The following SUZ12 variants were observed in gnomAD, a reference collection of about 807,000 sequenced individuals.
The protein encoded by SUZ12 is polycomb protein SUZ12.
A neutral mutation model predicts 87.3 loss-of-function variants in SUZ12; 17 were observed. That is an observed-to-expected ratio of 0.19 (90% CI 0.13 to 0.29). SUZ12 has a LOEUF of 0.29. Ranked by LOEUF, SUZ12 falls within the 10% of genes least tolerant of loss-of-function variation. The pLI, the probability that SUZ12 is intolerant of heterozygous loss-of-function variation, is 1.00. For synonymous variants in SUZ12, 253 were observed against 312.4 expected, an observed-to-expected ratio of 0.81 and a Z score of 2.01; for missense variants, 526 against 912.2, an observed-to-expected ratio of 0.58 and a Z score of 5.45.
At position 31,966,143 on chromosome 17, in the gene SUZ12, T is replaced by A; in HGVS notation, c.456-4T>A. ...ATAAAATATTTCCTTTTTTTTTTTTTTAGCTTGTCAGCTCATTTGCAGCTT... is the reference window on the plus strand; with the variant it reads ...ATAAAATATTTCCTTTTTTTTTTTTATAGCTTGTCAGCTCATTTGCAGCTT... On this transcript the variant is annotated splice_region_variant and splice_polypyrimidine_tract_variant and intron_variant, in intron 4 of 15. Transcript: ENST00000322652. 1 of 1,591,516 alleles carries A rather than the reference T, an allele frequency of 6.3e-7. No individual in the cohort carries two copies. Among genetic ancestry groups the A allele is most frequent in the South Asian group, 1.2e-5 (1 of 86,950 alleles).
intron 4 of SUZ12, among the ~76,000 whole-genome samples, chr17:31,964,219 G>C (rs1907945097): frequency 6.6e-6 from 1 of 151,652 alleles, no homozygotes; most frequent in African/African-American, 2.4e-5. Flanking sequence ...TAGAGATTGG[G>C]TTTCACCGTG....
At position 31,988,492 on chromosome 17, in the gene SUZ12, C is replaced by G. The variant is rs1321263390; in HGVS notation, c.1196C>G (p.Thr399Ser). 1.3e-6 allele frequency: 2 copies of G among 1,594,556 alleles called. No individual in the cohort carries two copies. Among genetic ancestry groups the G allele is most frequent in the East Asian group, 4.5e-5 (2 of 44,704 alleles). ...CCTGGTTCAGTTAAACCTACTCAAA[C>G]TATTGGTAAGAAAACATTGCAATCA... ...NKPGSVKPTQ[T>S]IAVKESLTTD... The change falls in exon 10 of 16, where the codon ACT becomes AGT. Residue 399 changes from threonine to serine, a missense_variant. Around this residue, in one of 9 missense-constraint regions of SUZ12, gnomAD observed 85 missense variants for 87.4 expected, o/e 0.97. Transcript: ENST00000322652.
intron 5 of SUZ12, among the ~76,000 whole-genome samples, chr17:31,972,725 T>C (rs897549888): frequency 2.0e-5 from 3 of 150,514 alleles, no homozygotes; most frequent in African/African-American, 7.3e-5. Context: ...GTGAATATTT[T>C]TTATACTTAC....
intron 4 of SUZ12, among the ~76,000 whole-genome samples, chr17:31,953,785 C>T (rs1329598279): frequency 6.7e-6 from 1 of 149,252 alleles, no homozygotes; most frequent in Non-Finnish European, 1.5e-5. Context: ...GCGATCTCGG[C>T]TCACTGCAAC....
At chr17:31,949,659 A>C (rs1451020119) in intron 4 of SUZ12, among the ~76,000 whole-genome samples, 148 of 2,020 alleles carry the variant, frequency 0.073, no homozygotes, top group East Asian at 0.091. Flanking sequence ...CACCACACCC[A>C]GCCCCCCCCC....
At chr17:31,941,290 C>G (rs1320377585) in intron 3 of SUZ12, among the ~76,000 whole-genome samples, 1 of 151,422 alleles carries the variant, frequency 6.6e-6, no homozygotes, top group Non-Finnish European at 1.5e-5. Context: ...AAGTCTCACT[C>G]TTGTCCCCCA....
rs752541997 is a variant in SUZ12, at chr17:31,999,024, T to C, written c.*21T>C. Reference sequence around the variant, plus strand: ...TCTGAAAAGCTCTAACCCCATGTTATGGACAAACACTGAAATTACATTTTA... The same window carrying C: ...TCTGAAAAGCTCTAACCCCATGTTACGGACAAACACTGAAATTACATTTTA... On this transcript the variant is annotated 3_prime_UTR_variant, in exon 16 of 16. Transcript: ENST00000322652. The C allele has an allele frequency of 3.3e-6, 5 of 1,495,036 alleles. No individual in the cohort carries two copies. In the South Asian group the frequency reaches 5.6e-5, roughly 17 times the overall value. 92.6% of individuals were successfully genotyped at this position (1,495,036 alleles called of 1,614,324 possible).
intron 10 of SUZ12, among the ~76,000 whole-genome samples, chr17:31,989,416 A>G (rs562886627): frequency 1.6e-4 from 25 of 152,344 alleles, no homozygotes; most frequent in African/African-American, 5.3e-4. Flanking sequence ...GATATGGTAC[A>G]TAGTATAGAT....
rs1910219500 is a variant in SUZ12 at position 32,000,808 on chromosome 17, T to C, written c.*1805T>C. On this transcript the variant is annotated 3_prime_UTR_variant, in exon 16 of 16. Transcript: ENST00000322652. ...AAATTACTTCTGTTGAGTAAACTTT[T>C]TATGTCATCGTAAAAGCTGAAAAAA... 8.7e-6 allele frequency: 2 copies of C among 228,926 alleles called. No homozygotes were observed. Among genetic ancestry groups the C allele is most frequent in the African/African-American group, 4.4e-5 (2 of 45,088 alleles). 14.2% of individuals were successfully genotyped at this position (228,926 alleles called of 1,614,324 possible).
At chr17:31,955,790 C>T (rs1014718417) in intron 4 of SUZ12, among the ~76,000 whole-genome samples, 1 of 151,978 alleles carries the variant, frequency 6.6e-6, no homozygotes, top group Non-Finnish European at 1.5e-5. Flanking sequence ...TCATGTTGCC[C>T]AAGATGGTCT....
chr17:31,954,830 A>G (rs1419278363), intron 4 of SUZ12, among the ~76,000 whole-genome samples: 2 of 152,218 alleles, frequency 1.3e-5, no homozygotes, highest in South Asian at 2.1e-4. Flanking sequence ...TATTACATAT[A>G]AAGCATTTGA....
chr17:31,995,855 C>CTT (rs369422951), intron 14 of SUZ12, 93 bp downstream of exon 14: 1 of 792,216 alleles, frequency 1.3e-6, no homozygotes, highest in Non-Finnish European at 1.9e-6. Context: ...TGTAAAGGAA[C>CTT]TTTTTTTAAA....
chr17:31,938,788 T>G (rs1361754263), intron 1 of SUZ12, among the ~76,000 whole-genome samples: 1 of 152,248 alleles, frequency 6.6e-6, no homozygotes, highest in Non-Finnish European at 1.5e-5. Context: ...ATTTTAAAAG[T>G]TCTTTCTGAA....
At chr17:31,957,441 CT>C (rs1166157544) in intron 4 of SUZ12, among the ~76,000 whole-genome samples, 2 of 150,808 alleles carry the variant, frequency 1.3e-5, no homozygotes, top group East Asian at 3.9e-4. Context: ...TACGGAGTTT[CT>C]TTCTTCTTGC....
chr17:31,996,834 A>C lies in SUZ12; in HGVS notation c.1831A>C (p.Lys611Gln). 6.5e-7 allele frequency: 1 copy of C among 1,550,068 alleles called. No homozygotes were observed. The highest frequency in any genetic ancestry group is 8.6e-7 in the Non-Finnish European group (1 of 1,158,738). Residue 611 changes from lysine to glutamine, a missense_variant, in exon 15 of 16, where the codon AAA (lysine) becomes CAA (glutamine). Lys to Gln is a moderately conservative substitution (Grantham distance 53). Around this residue, in one of 9 missense-constraint regions of SUZ12, gnomAD observed 143 missense variants for 321.6 expected, o/e 0.44. Transcript: ENST00000322652. Reference protein sequence around the residue: ...EEFSDVNEGEKEVMKLWNLHV... With the variant: ...EEFSDVNEGEQEVMKLWNLHV... ...GTTTTCTGATGTTAATGAAGGAGAG[A>C]AAGAAGTGATGAAACTCTGGAATCT...
intron 4 of SUZ12, among the ~76,000 whole-genome samples, chr17:31,951,310 C>G (rs530881124): frequency 6.6e-6 from 1 of 152,204 alleles, no homozygotes; most frequent in East Asian, 1.9e-4. Flanking sequence ...TTTATTATGA[C>G]ATTTGTAGTA....
At chr17:31,951,795 G>A (rs1287642417) in intron 4 of SUZ12, among the ~76,000 whole-genome samples, 1 of 139,552 alleles carries the variant, frequency 7.2e-6, no homozygotes, top group African/African-American at 2.8e-5. Flanking sequence ...TTTTTTTTGA[G>A]ACAGAGTCTC....
rs377439282 is a variant in SUZ12 at position 31,947,698 on chromosome 17, A to G, written c.455+13A>G. The G allele has an allele frequency of 1.9e-6, 3 of 1,603,984 alleles. No individual in the cohort carries two copies. Among genetic ancestry groups the G allele is most frequent in the African/African-American group, 1.3e-5 (1 of 74,522 alleles). ...AAGAATCTCATAGGTAAGATAATCT[A>G]TCAGTTTACATTAAGTGATATACTT... On this transcript the variant is annotated intron_variant, in intron 4 of 15. Transcript: ENST00000322652.
intron 10 of SUZ12, among the ~76,000 whole-genome samples, chr17:31,989,887 G>A (rs1404656020): frequency 6.6e-6 from 1 of 151,508 alleles, no homozygotes; most frequent in East Asian, 1.9e-4. Context: ...GGGATTACAG[G>A]CACGAGCCAC....
Sources: allele counts gnomAD v4.1 joint callset (sites outside exome capture counted in the v4.1 genomes callset), GRCh38; gene constraint gnomAD v4.1.1; regional missense constraint gnomAD v4.1.1; transcripts MANE v1.5; gene names NCBI Gene and HGNC (gene_info 2026-07-23, HGNC 2026-07-21).